Variants in PTPRD observed in about 807,000 individuals in gnomAD.
PTPRD encodes protein tyrosine phosphatase receptor type D.
A neutral mutation model predicts 214.5 loss-of-function variants in PTPRD; 34 were observed. That is an observed-to-expected ratio of 0.16 (90% CI 0.12 to 0.21). The LOEUF (loss-of-function observed/expected upper bound fraction) is 0.21, where lower values mean the gene tolerates loss of function less well. Among genes scored for constraint, PTPRD ranks in the 10% least tolerant of loss-of-function variants. The probability of loss-of-function intolerance (pLI) is 1.00; values close to 1 mark genes in which losing one functional copy is unlikely to be tolerated. For synonymous variants in PTPRD, 1,128 were observed against 845.7 expected, an observed-to-expected ratio of 1.33 and a Z score of -5.79; for missense variants, 2,545 against 2,398.7, an observed-to-expected ratio of 1.06 and a Z score of -1.27.
In PTPRD at chr9:10,071,747, A is replaced by C. The variant is rs373869149; in HGVS notation, c.-544-37957T>G. 7.6e-4 allele frequency among the ~76,000 whole-genome samples: 116 copies of C among 152,146 alleles called. 2 individuals carry two copies. The South Asian group carries it at 0.022, about 29-fold the overall frequency. On this transcript the variant is annotated intron_variant, in intron 3 of 45. Coordinates refer to ENST00000381196, the MANE Select transcript of PTPRD (RefSeq NM_002839.4). ...ATGAGTGTTTAGGTATAACACCATAAGAATGGTGCATATGAGTAATGACTC... is the reference window on the plus strand; with the variant it reads ...ATGAGTGTTTAGGTATAACACCATACGAATGGTGCATATGAGTAATGACTC...
chr9:9,950,196 T>C (rs572111998), intron 4 of PTPRD, among the ~76,000 whole-genome samples: 1 of 152,160 alleles, frequency 6.6e-6, no homozygotes, highest in Non-Finnish European at 1.5e-5. Flanking sequence ...TAATGATTTG[T>C]CTTAAACCTG....
intron 11 of PTPRD, among the ~76,000 whole-genome samples, chr9:8,873,058 A>C (rs780498308): frequency 6.6e-5 from 10 of 152,236 alleles, no homozygotes; most frequent in Non-Finnish European, 1.2e-4. Flanking sequence ...CACTGTGTAC[A>C]GTGTTACTGC....
chr9:9,947,331 A>ATATAATATATAT (rs2092718445), intron 4 of PTPRD, among the ~76,000 whole-genome samples: 1 of 65,008 alleles, frequency 1.5e-5, no homozygotes, highest in Non-Finnish European at 2.4e-5. Context: ...TATATTATAT[A>ATATAATATATAT]TGTATTATAT....
At position 10,595,833 on chromosome 9, in the gene PTPRD, A is replaced by G. The variant is rs979201136; in HGVS notation, c.-600+16565T>C. ...TATCAGAGTACTTTTTCCCTTATAC[A>G]TTTAAGATGTTTTAAAAATTAAGAA... is the stretch of plus-strand genomic sequence containing the variant. On this transcript the variant is annotated intron_variant, in intron 2 of 45. Transcript: ENST00000381196. Among the ~76,000 whole-genome samples the G allele has an allele frequency of 2.0e-5, 3 of 151,746 alleles. No homozygotes were observed. The South Asian group carries it at 6.2e-4, about 32-fold the overall frequency.
rs550839189 is a variant in PTPRD at position 10,340,189 on chromosome 9, C to A, written c.-545+774G>T. Among the ~76,000 whole-genome samples the A allele has an allele frequency of 9.7e-4, 148 of 151,962 alleles. 1 individual carries two copies. Among genetic ancestry groups the A allele is most frequent in the South Asian group, 2.7e-3 (13 of 4,826 alleles). ...TATCTGGACAAGTTCTCAATGTCTA[C>A]CTGTGATACGGTTATGTACATTTGT... On this transcript the variant is annotated intron_variant, in intron 3 of 45. Transcript: ENST00000381196.
intron 4 of PTPRD, among the ~76,000 whole-genome samples, chr9:9,999,847 T>C (rs188629266): frequency 3.3e-5 from 5 of 152,324 alleles, no homozygotes; most frequent in Admixed American, 2.0e-4. Context: ...CTCTAAGCTA[T>C]GAAAAGGTTA....
At chr9:9,092,560 T>C (rs958669784) in intron 10 of PTPRD, among the ~76,000 whole-genome samples, 1 of 152,020 alleles carries the variant, frequency 6.6e-6, no homozygotes, top group Non-Finnish European at 1.5e-5. Flanking sequence ...ACTTATAACA[T>C]ATGAAAAAGT....
At chr9:9,448,526 T>G (rs2091191564) in intron 8 of PTPRD, among the ~76,000 whole-genome samples, 1 of 152,060 alleles carries the variant, frequency 6.6e-6, no homozygotes, top group Non-Finnish European at 1.5e-5. Context: ...TCCTGAGTCC[T>G]CCCCAGCCAT....
rs2098769329 is a variant in PTPRD at position 8,914,297 on chromosome 9, G to A, written c.-104+104400C>T. Among the ~76,000 whole-genome samples, 4 of 151,952 alleles carry A rather than the reference G, an allele frequency of 2.6e-5. No individual in the cohort carries two copies. In the South Asian group the frequency reaches 8.3e-4, roughly 32 times the overall value. On this transcript the variant is annotated intron_variant, in intron 11 of 45. Coordinates refer to ENST00000381196, the MANE Select transcript of PTPRD (RefSeq NM_002839.4). ...ATTTTGAAGATATTACTCAAATTAA[G>A]CAAAATATTTTGTGTGAACTAAAAT... is the stretch of plus-strand genomic sequence containing the variant.
chr9:9,226,043 A>G (rs1343884173), intron 9 of PTPRD, among the ~76,000 whole-genome samples: 1 of 152,032 alleles, frequency 6.6e-6, no homozygotes, highest in Non-Finnish European at 1.5e-5. Flanking sequence ...ACATAAGAAA[A>G]TAATAAATCA....
chr9:10,583,682 G>A (rs2072883612), intron 2 of PTPRD, among the ~76,000 whole-genome samples: 1 of 152,018 alleles, frequency 6.6e-6, no homozygotes, highest in South Asian at 2.1e-4. Flanking sequence ...GTTTCACCAT[G>A]TTAGTCAGGA....
intron 8 of PTPRD, among the ~76,000 whole-genome samples, chr9:9,545,780 G>A (rs2078656662): frequency 6.6e-6 from 1 of 151,402 alleles, no homozygotes; most frequent in Non-Finnish European, 1.5e-5. Context: ...GGCTATTCTG[G>A]GTCTTTTACT....
At chr9:9,384,579 A>G (rs962191085) in intron 9 of PTPRD, among the ~76,000 whole-genome samples, 1 of 151,346 alleles carries the variant, frequency 6.6e-6, no homozygotes, top group Non-Finnish European at 1.5e-5. Context: ...TTTCTAATTA[A>G]GCCAACTCCT....
At chr9:9,393,324 G>T (rs530730194) in intron 9 of PTPRD, among the ~76,000 whole-genome samples, 1 of 152,220 alleles carries the variant, frequency 6.6e-6, no homozygotes, top group African/African-American at 2.4e-5. Flanking sequence ...ACCAGGAGAG[G>T]CACTTGCAAT....
chr9:9,241,531 G>C (rs1013786082), intron 9 of PTPRD, among the ~76,000 whole-genome samples: 2 of 152,124 alleles, frequency 1.3e-5, no homozygotes, highest in African/African-American at 4.8e-5. Context: ...GCACCTTGGA[G>C]AAACTGGTCT....
chr9:8,328,740 T>A (rs1836596845), intron 44 of PTPRD, among the ~76,000 whole-genome samples: 1 of 152,104 alleles, frequency 6.6e-6, no homozygotes, highest in African/African-American at 2.4e-5. Context: ...TTTACTCTTT[T>A]CTCTAATCTT....
chr9:9,709,319 T>G (rs1490126811), intron 7 of PTPRD, among the ~76,000 whole-genome samples: 2 of 151,996 alleles, frequency 1.3e-5, no homozygotes, highest in African/African-American at 2.4e-5. Context: ...TATCATCAAC[T>G]AATATGACTT....
intron 3 of PTPRD, among the ~76,000 whole-genome samples, chr9:10,279,058 G>C (rs1053745505): frequency 6.6e-6 from 1 of 152,142 alleles, no homozygotes; most frequent in African/African-American, 2.4e-5. Flanking sequence ...ACAGGCCTGA[G>C]CCACCGCGCC....
At chr9:8,491,898 G>T (rs183837678) in intron 27 of PTPRD, among the ~76,000 whole-genome samples, 3 of 152,086 alleles carry the variant, frequency 2.0e-5, no homozygotes, top group Non-Finnish European at 4.4e-5. Context: ...AGTGATTCGG[G>T]CAGAGTAAAT....
Sources: allele counts gnomAD v4.1 joint callset (sites outside exome capture counted in the v4.1 genomes callset), GRCh38; gene constraint gnomAD v4.1.1; transcripts MANE v1.5; gene names NCBI Gene and HGNC (gene_info 2026-07-23, HGNC 2026-07-21).